The following PTPRD variants were observed in gnomAD, a reference collection of about 807,000 sequenced individuals.
The protein encoded by PTPRD is protein tyrosine phosphatase receptor type D, also known as receptor-type tyrosine-protein phosphatase delta.
PTPRD carries 34 observed loss-of-function variants against 214.5 expected under a neutral mutation model. That is an observed-to-expected ratio of 0.16 (90% CI 0.12 to 0.21). PTPRD has a LOEUF of 0.21. Ranked by LOEUF, PTPRD falls within the 10% of genes least tolerant of loss-of-function variation. PTPRD has a pLI of 1.00. For synonymous variants in PTPRD, 1,128 were observed against 845.7 expected (o/e 1.33, Z -5.79); for missense variants, 2,545 against 2,398.7 (o/e 1.06, Z -1.27).
At chr9:9,287,181 CAT>C (rs1021363678) in intron 9 of PTPRD, among the ~76,000 whole-genome samples, 1 of 151,318 alleles carries the variant, frequency 6.6e-6, no homozygotes, top group African/African-American at 2.4e-5. Flanking sequence ...GCGGAGATCA[CAT>C]CACTGCACTC....
intron 5 of PTPRD, among the ~76,000 whole-genome samples, chr9:9,896,728 C>A (rs77364737): frequency 0.015 from 2,345 of 152,040 alleles, 62 homozygotes; most frequent in African/African-American, 0.053. Flanking sequence ...AATACAGTTG[C>A]TTTGGGCATC....
rs74977721 is a variant in PTPRD at position 9,786,644 on chromosome 9, G to A, written c.-367-19793C>T. Among the ~76,000 whole-genome samples, 245 of 152,062 alleles carry A rather than the reference G, an allele frequency of 1.6e-3. 3 individuals carry two copies. Among genetic ancestry groups the A allele is most frequent in the African/African-American group, 5.4e-3 (222 of 41,462 alleles). On this transcript the variant is annotated intron_variant, in intron 5 of 45. Coordinates refer to ENST00000381196, the MANE Select transcript of PTPRD (RefSeq NM_002839.4). ...GGGTCAAATGGTATTTCTAGATCTCGATCCTTGAGGAATCGCCACACTAAT... is the reference window on the plus strand; with the variant it reads ...GGGTCAAATGGTATTTCTAGATCTCAATCCTTGAGGAATCGCCACACTAAT...
chr9:9,178,043 T>C (rs907466031), intron 10 of PTPRD, among the ~76,000 whole-genome samples: 1 of 152,138 alleles, frequency 6.6e-6, no homozygotes, highest in Admixed American at 6.6e-5. Flanking sequence ...GAACTACAGA[T>C]ATTTTGCATA....
At chr9:9,658,217 G>A (rs2096557899) in intron 7 of PTPRD, among the ~76,000 whole-genome samples, 1 of 152,036 alleles carries the variant, frequency 6.6e-6, no homozygotes, top group South Asian at 2.1e-4. Flanking sequence ...CTAAAACTCT[G>A]ATGGTAAAAT....
intron 3 of PTPRD, among the ~76,000 whole-genome samples, chr9:10,063,973 T>C (rs1193812754): frequency 6.6e-6 from 1 of 152,004 alleles, no homozygotes; most frequent in Non-Finnish European, 1.5e-5. Flanking sequence ...TGGAACACAA[T>C]AGTAAAAACA....
At chr9:8,969,711 G>A (rs953261700) in intron 11 of PTPRD, among the ~76,000 whole-genome samples, 5 of 151,750 alleles carry the variant, frequency 3.3e-5, no homozygotes, top group African/African-American at 4.8e-5. Flanking sequence ...TGGATCGATG[G>A]GTAAATAAAA....
intron 14 of PTPRD, among the ~76,000 whole-genome samples, chr9:8,626,289 A>G (rs2096031826): frequency 6.6e-6 from 1 of 151,862 alleles, no homozygotes; most frequent in African/African-American, 2.4e-5. Flanking sequence ...GTATTTTAGT[A>G]AACTCCTTTG....
intron 3 of PTPRD, among the ~76,000 whole-genome samples, chr9:10,311,567 T>C (rs374238309): frequency 1.5e-4 from 23 of 152,162 alleles, no homozygotes; most frequent in African/African-American, 4.3e-4. Flanking sequence ...CATTTACACA[T>C]TTATTTAGCA....
intron 5 of PTPRD, among the ~76,000 whole-genome samples, chr9:9,900,510 C>G (rs1249006524): frequency 1.3e-5 from 2 of 152,154 alleles, no homozygotes; most frequent in Admixed American, 1.3e-4. Flanking sequence ...TTTCTATCAG[C>G]ATTTTGGTCA....
At chr9:8,750,889 T>C (rs895249815) in intron 11 of PTPRD, among the ~76,000 whole-genome samples, 1 of 152,098 alleles carries the variant, frequency 6.6e-6, no homozygotes, top group Admixed American at 6.5e-5. Context: ...TATATTTAGA[T>C]GACTTCTCCA....
intron 11 of PTPRD, among the ~76,000 whole-genome samples, chr9:8,797,643 T>C (rs774984230): frequency 2.0e-5 from 3 of 152,166 alleles, no homozygotes; most frequent in Non-Finnish European, 4.4e-5. Flanking sequence ...TGAAGCTCTA[T>C]CTCATCCACC....
At chr9:9,853,201 T>C (rs1016903876) in intron 5 of PTPRD, among the ~76,000 whole-genome samples, 2 of 152,232 alleles carry the variant, frequency 1.3e-5, no homozygotes, top group Non-Finnish European at 2.9e-5. Flanking sequence ...ACAGGCTTTA[T>C]TGCAAGTACT....
At chr9:8,373,917 C>CTATCTAT (rs2082415992) in intron 39 of PTPRD, among the ~76,000 whole-genome samples, 1 of 95,746 alleles carries the variant, frequency 1.0e-5, no homozygotes, top group Admixed American at 1.0e-4. Flanking sequence ...TATCTATCTA[C>CTATCTAT]CTACCTACCT....
chr9:8,836,974 C>T (rs2097440749), intron 11 of PTPRD, among the ~76,000 whole-genome samples: 1 of 151,866 alleles, frequency 6.6e-6, no homozygotes, highest in Admixed American at 6.6e-5. Context: ...CACCCATCCC[C>T]CCACCATTTG....
intron 8 of PTPRD, among the ~76,000 whole-genome samples, chr9:9,446,600 C>T (rs2090488903): frequency 6.6e-6 from 1 of 152,038 alleles, no homozygotes; most frequent in African/African-American, 2.4e-5. Context: ...AGCACCCAGT[C>T]AATGTTATTG....
intron 8 of PTPRD, among the ~76,000 whole-genome samples, chr9:9,516,165 T>C (rs2096832776): frequency 6.6e-6 from 1 of 152,138 alleles, no homozygotes; most frequent in Admixed American, 6.6e-5. Context: ...CTGGATCTTA[T>C]TTTGTTTATA....
At chr9:9,609,707 C>A (rs890490933) in intron 7 of PTPRD, among the ~76,000 whole-genome samples, 7 of 152,180 alleles carry the variant, frequency 4.6e-5, no homozygotes, top group African/African-American at 1.7e-4. Context: ...AAGTGATCCA[C>A]CCGCCTTGTC....
intron 14 of PTPRD, among the ~76,000 whole-genome samples, chr9:8,600,898 G>T (rs556937740): frequency 1.3e-5 from 2 of 151,992 alleles, no homozygotes; most frequent in Non-Finnish European, 2.9e-5. Context: ...AAATAAAAAA[G>T]AAACTTTGTC....
At chr9:8,519,860 A>T (rs1165787605) in intron 20 of PTPRD, among the ~76,000 whole-genome samples, 1 of 152,170 alleles carries the variant, frequency 6.6e-6, no homozygotes. Flanking sequence ...ATATTAGTTT[A>T]AAGTGGCCCC....
Sources: allele counts gnomAD v4.1 joint callset (sites outside exome capture counted in the v4.1 genomes callset), GRCh38; gene constraint gnomAD v4.1.1; transcripts MANE v1.5; gene names NCBI Gene and HGNC (gene_info 2026-07-23, HGNC 2026-07-21).